PPME1: variants seen among roughly 807,000 people sequenced by gnomAD.
The protein encoded by PPME1 is testicular secretory protein Li 39.
In PPME1, 17 loss-of-function variants were observed where a neutral mutation model predicts 56.9. That is an observed-to-expected ratio of 0.30 (90% CI 0.20 to 0.45). The LOEUF (loss-of-function observed/expected upper bound fraction) is 0.45, where lower values mean the gene tolerates loss of function less well. PPME1 is among the 20% of genes least tolerant of loss of function. The probability of loss-of-function intolerance (pLI) is 1.00; values close to 1 mark genes in which losing one functional copy is unlikely to be tolerated. For missense variants in PPME1, 357 were observed against 483.2 expected, an observed-to-expected ratio of 0.74 and a Z score of 2.45; for synonymous variants, 122 against 156.2, an observed-to-expected ratio of 0.78 and a Z score of 1.63.
At chr11:74,232,458 G>T (rs991106541) in intron 7 of PPME1, among the ~76,000 whole-genome samples, 2 of 152,196 alleles carry the variant, frequency 1.3e-5, no homozygotes, top group African/African-American at 4.8e-5. Flanking sequence ...TTGTGTTGGT[G>T]AAGTTTCTAC....
At chr11:74,195,490 A>T (rs1857957694) in intron 1 of PPME1, among the ~76,000 whole-genome samples, 1 of 152,178 alleles carries the variant, frequency 6.6e-6, no homozygotes, top group Non-Finnish European at 1.5e-5. Flanking sequence ...CAGATACATC[A>T]CAGTTTGTAT....
At chr11:74,231,473 A>G (rs142464102) in intron 7 of PPME1, among the ~76,000 whole-genome samples, 306 of 152,354 alleles carry the variant, frequency 2.0e-3, no homozygotes, top group Middle Eastern at 6.8e-3. Flanking sequence ...AGTTCAAGGA[A>G]TAGAATTTCA....
chr11:74,199,161 T>C (rs1185690549), intron 1 of PPME1, among the ~76,000 whole-genome samples: 1 of 152,216 alleles, frequency 6.6e-6, no homozygotes, highest in Admixed American at 6.5e-5. Flanking sequence ...GCGCAAATTC[T>C]TTCTGTCCTT....
intron 7 of PPME1, among the ~76,000 whole-genome samples, chr11:74,234,863 A>T (rs1488273430): frequency 6.6e-6 from 1 of 152,206 alleles, no homozygotes; most frequent in Non-Finnish European, 1.5e-5. Context: ...GACACAGAAG[A>T]GAGACAGGAT....
intron 1 of PPME1, among the ~76,000 whole-genome samples, chr11:74,195,301 T>C (rs2135609742): frequency 1.3e-5 from 2 of 152,290 alleles, no homozygotes; most frequent in South Asian, 4.1e-4. Flanking sequence ...TTCTTTATTG[T>C]TTTACCACTT....
At chr11:74,178,279 A>C (rs556352315) in intron 1 of PPME1, among the ~76,000 whole-genome samples, 1 of 152,076 alleles carries the variant, frequency 6.6e-6, no homozygotes. Context: ...TTGTCTTTTA[A>C]TTTTTTCCCA....
chr11:74,181,749 T>C (rs1322763639), intron 1 of PPME1, among the ~76,000 whole-genome samples: 1 of 152,242 alleles, frequency 6.6e-6, no homozygotes, highest in East Asian at 1.9e-4. Context: ...GTGGCACCTG[T>C]CATTTTACCA....
chr11:74,222,273 T>C (rs1858818727), intron 3 of PPME1, 39 bp from the exon 4 acceptor site: 3 of 1,488,290 alleles, frequency 2.0e-6, no homozygotes, highest in Non-Finnish European at 1.9e-6. Context: ...AAATTTGTTA[T>C]CCTAGATGTG....
At position 74,253,586 on chromosome 11, in the gene PPME1, T is replaced by TG; in HGVS notation, c.*77dup. On this transcript the variant is annotated 3_prime_UTR_variant, in exon 14 of 14. Coordinates refer to ENST00000328257, the MANE Select transcript of PPME1 (RefSeq NM_016147.3). ...GCACCAGAGGCCACTGTGATGCCAC[T>TG]GTCTCCTCTCCATCCCGCCCAGCCA... 2 of 1,480,408 alleles carry TG rather than the reference T, an allele frequency of 1.4e-6. No individual in the cohort carries two copies. Among genetic ancestry groups the TG allele is most frequent in the Non-Finnish European group, 1.9e-6 (2 of 1,058,794 alleles). The allele number at this position is 1,480,408 out of a possible 1,614,324, so 91.7% of individuals were successfully genotyped here. A position where few individuals can be genotyped will look rare whatever the true frequency, so the allele number is the denominator to read the frequency against.
At chr11:74,221,328 C>T (rs1407885419) in intron 3 of PPME1, among the ~76,000 whole-genome samples, 1 of 152,110 alleles carries the variant, frequency 6.6e-6, no homozygotes, top group Non-Finnish European at 1.5e-5. Flanking sequence ...AAATAGCTTT[C>T]AGGAACAAAC....
chr11:74,218,166 T>G (rs1858706881), intron 3 of PPME1, among the ~76,000 whole-genome samples: 1 of 151,788 alleles, frequency 6.6e-6, no homozygotes. Flanking sequence ...GTAACCCTAT[T>G]TACAGTAGCT....
intron 9 of PPME1, among the ~76,000 whole-genome samples, chr11:74,244,234 G>C (rs2135676117): frequency 6.6e-6 from 1 of 152,230 alleles, no homozygotes; most frequent in East Asian, 1.9e-4. Context: ...ATGAACATGG[G>C]TTTGCAGATC....
intron 1 of PPME1, among the ~76,000 whole-genome samples, chr11:74,178,912 G>GT (rs200830859): frequency 3.0e-3 from 428 of 142,558 alleles, no homozygotes; most frequent in Middle Eastern, 7.4e-3. Flanking sequence ...CTACAAAATA[G>GT]TTTTTTTTTT....
intron 9 of PPME1, among the ~76,000 whole-genome samples, chr11:74,239,599 CAG>C (rs1337637370): frequency 7.8e-6 from 1 of 128,712 alleles, no homozygotes; most frequent in South Asian, 2.6e-4. Context: ...TTTTTTGAGA[CAG>C]AGTCTTGCTC....
In PPME1 at chr11:74,204,445, G is replaced by T; in HGVS notation, c.288G>T (p.Thr96=). 1 of 1,606,530 alleles carries T rather than the reference G, an allele frequency of 6.2e-7. No homozygotes were observed. Among genetic ancestry groups the T allele is most frequent in the South Asian group, 1.1e-5 (1 of 90,622 alleles). ...GHSALSWAVF[T]AAIISRVQCR... Reference sequence around the variant, plus strand: ...CTGCCCTTTCTTGGGCTGTGTTCACGGTAAGTAGGTTGTTGATAGTACAAG... The same window carrying T: ...CTGCCCTTTCTTGGGCTGTGTTCACTGTAAGTAGGTTGTTGATAGTACAAG... Residue 96 remains threonine, a splice_region_variant and synonymous_variant, in exon 3 of 14, where the codon ACG becomes ACT. Transcript: ENST00000328257.
chr11:74,246,654 G>A (rs1859512160), intron 10 of PPME1, among the ~76,000 whole-genome samples: 1 of 152,128 alleles, frequency 6.6e-6, no homozygotes, highest in African/African-American at 2.4e-5. Context: ...AATGAGTAGT[G>A]ACATCCAAAG....
chr11:74,176,969 A>G (rs1365863288), intron 1 of PPME1, among the ~76,000 whole-genome samples: 1 of 151,690 alleles, frequency 6.6e-6, no homozygotes, highest in East Asian at 1.9e-4. Flanking sequence ...GGCCCCAGGT[A>G]ATCCACCCAC....
intron 7 of PPME1, 86 bp downstream of exon 7, chr11:74,231,088 C>T: frequency 1.7e-6 from 2 of 1,145,848 alleles, no homozygotes; most frequent in Non-Finnish European, 2.5e-6. Flanking sequence ...GACAAGGCCT[C>T]ACTCTGTCAC....
intron 1 of PPME1, among the ~76,000 whole-genome samples, chr11:74,179,096 G>A (rs1239783032): frequency 1.3e-5 from 2 of 152,136 alleles, no homozygotes; most frequent in Admixed American, 1.3e-4. Flanking sequence ...CCGGAAGACC[G>A]AAGTTGTTTA....
Sources: allele counts gnomAD v4.1 joint callset (sites outside exome capture counted in the v4.1 genomes callset), GRCh38; gene constraint gnomAD v4.1.1; transcripts MANE v1.5; gene names NCBI Gene and HGNC (gene_info 2026-07-23, HGNC 2026-07-21).